Variants in MSRA observed in about 807,000 individuals in gnomAD.
MSRA encodes mitochondrial peptide methionine sulfoxide reductase.
MSRA carries 54 observed loss-of-function variants against 31.3 expected under a neutral mutation model. The ratio of observed to expected loss-of-function variants is 1.73; its 90% CI spans 1.39 to 2.17. MSRA has a LOEUF of 2.17. Among genes scored for constraint, MSRA ranks in the 30% most tolerant of loss-of-function variants. The pLI is 0.00. For missense variants in MSRA, 507 were observed against 300.9 expected (o/e 1.69, Z -5.07); for synonymous variants, 169 against 116.5 (o/e 1.45, Z -2.90).
chr8:10,103,780 G>A (rs1040661980), intron 1 of MSRA, among the ~76,000 whole-genome samples: 11 of 151,638 alleles, frequency 7.3e-5, no homozygotes, highest in African/African-American at 2.7e-4. Context: ...ATTAAATAAA[G>A]TAGAATGAAT....
intron 5 of MSRA, among the ~76,000 whole-genome samples, chr8:10,374,582 C>A (rs1340472736): frequency 6.6e-6 from 1 of 152,200 alleles, no homozygotes; most frequent in East Asian, 1.9e-4. Flanking sequence ...CAATGTAGGC[C>A]TTCCCTGTGT....
At chr8:10,390,579 A>G (rs2129179255) in intron 5 of MSRA, among the ~76,000 whole-genome samples, 1 of 152,282 alleles carries the variant, frequency 6.6e-6, no homozygotes, top group East Asian at 1.9e-4. Context: ...ACATCTGCCC[A>G]TTGTCACATG....
intron 5 of MSRA, among the ~76,000 whole-genome samples, chr8:10,342,384 C>T (rs1465831519): frequency 1.3e-5 from 2 of 152,148 alleles, no homozygotes; most frequent in African/African-American, 2.4e-5. Context: ...CATCACACTC[C>T]GTGTAGCTTC....
intron 2 of MSRA, among the ~76,000 whole-genome samples, chr8:10,228,671 T>G (rs1191895135): frequency 6.6e-6 from 1 of 152,144 alleles, no homozygotes; most frequent in Non-Finnish European, 1.5e-5. Flanking sequence ...TTCCAGGCCT[T>G]CCTTCATGGG....
At chr8:10,382,344 C>G (rs1473657198) in intron 5 of MSRA, among the ~76,000 whole-genome samples, 2 of 152,194 alleles carry the variant, frequency 1.3e-5, no homozygotes, top group African/African-American at 4.8e-5. Flanking sequence ...AGGAAAACCC[C>G]TAGCCATGAT....
intron 5 of MSRA, among the ~76,000 whole-genome samples, chr8:10,373,862 G>A (rs949758083): frequency 6.6e-6 from 1 of 152,234 alleles, no homozygotes; most frequent in African/African-American, 2.4e-5. Context: ...TGCAGGAGGT[G>A]AGAAGTGCGG....
chr8:10,142,506 G>A (rs1329221891), intron 1 of MSRA, among the ~76,000 whole-genome samples: 2 of 152,200 alleles, frequency 1.3e-5, no homozygotes. Context: ...AGGGAAATGT[G>A]GTTTTCAGAG....
intron 5 of MSRA, among the ~76,000 whole-genome samples, chr8:10,351,917 G>T (rs182037370): frequency 6.6e-6 from 1 of 152,202 alleles, no homozygotes. Flanking sequence ...GCTGTCCGAC[G>T]GCCACATTTA....
intron 1 of MSRA, among the ~76,000 whole-genome samples, chr8:10,091,885 G>A (rs1373493574): frequency 6.6e-6 from 1 of 152,102 alleles, no homozygotes; most frequent in Non-Finnish European, 1.5e-5. Context: ...GGGATTACAG[G>A]TTTGAGCCAC....
At chr8:10,161,002 T>C (rs1250759794) in intron 1 of MSRA, among the ~76,000 whole-genome samples, 1 of 151,902 alleles carries the variant, frequency 6.6e-6, no homozygotes, top group Non-Finnish European at 1.5e-5. Context: ...ACTAATAAAA[T>C]GTAAATATCA....
At chr8:10,254,216 G>A (rs375670414) in intron 3 of MSRA, among the ~76,000 whole-genome samples, 1 of 152,200 alleles carries the variant, frequency 6.6e-6, no homozygotes, top group South Asian at 2.1e-4. Flanking sequence ...GTAGCATCAC[G>A]TCTCTGACTG....
At chr8:10,247,516 T>C (rs1156624349) in intron 3 of MSRA, among the ~76,000 whole-genome samples, 3 of 152,214 alleles carry the variant, frequency 2.0e-5, no homozygotes, top group Non-Finnish European at 4.4e-5. Flanking sequence ...GGAAATTCTT[T>C]TGTCTTTCTT....
At chr8:10,285,009 C>A (rs868093284) in intron 3 of MSRA, among the ~76,000 whole-genome samples, 1 of 129,464 alleles carries the variant, frequency 7.7e-6, no homozygotes, top group South Asian at 2.6e-4. Flanking sequence ...TGACTTCCTC[C>A]CCAATCTTTT....
At chr8:10,352,198 A>G (rs1437726058) in intron 5 of MSRA, among the ~76,000 whole-genome samples, 1 of 152,166 alleles carries the variant, frequency 6.6e-6, no homozygotes, top group African/African-American at 2.4e-5. Flanking sequence ...GACGAGAAGG[A>G]GATGTTGTAG....
intron 5 of MSRA, among the ~76,000 whole-genome samples, chr8:10,361,197 A>C (rs1207450783): frequency 6.6e-6 from 1 of 152,172 alleles, no homozygotes; most frequent in Non-Finnish European, 1.5e-5. Flanking sequence ...GAGACACTTA[A>C]TGCCACCTTT....
intron 5 of MSRA, among the ~76,000 whole-genome samples, chr8:10,399,767 C>T (rs1369738380): frequency 2.0e-5 from 3 of 152,118 alleles, no homozygotes; most frequent in East Asian, 1.9e-4. Context: ...GTGCAATGGA[C>T]GGCAGTGGAG....
At chr8:10,090,923 C>A (rs6988046) in intron 1 of MSRA, among the ~76,000 whole-genome samples, 118,130 of 152,232 alleles carry the variant, frequency 0.78, 46,225 homozygotes, top group African/African-American at 0.86. Flanking sequence ...ACATTGTATC[C>A]GTTCATCAGC....
intron 2 of MSRA, among the ~76,000 whole-genome samples, chr8:10,238,827 C>G (rs376074740): frequency 6.6e-6 from 1 of 151,982 alleles, no homozygotes; most frequent in East Asian, 1.9e-4. Context: ...AGGATATTAT[C>G]TTTATCTTTA....
In MSRA at chr8:10,428,390, A is replaced by C. The variant is rs1016775582; in HGVS notation, c.*78A>C. ...ATTGGGCAATGCTTGTGTGATTCAC[A>C]ATCGTGGCATTTAAAGTGCACAAAG... On this transcript the variant is annotated 3_prime_UTR_variant, in exon 6 of 6. Transcript: ENST00000317173. 3 of 1,475,498 alleles carry C rather than the reference A, an allele frequency of 2.0e-6. No homozygotes were observed. The African/African-American group carries it at 4.2e-5, about 21-fold the overall frequency. The allele number at this position is 1,475,498 out of a possible 1,614,324, so 91.4% of individuals were successfully genotyped here. A position where few individuals can be genotyped will look rare whatever the true frequency, so the allele number is the denominator to read the frequency against.
Sources: allele counts gnomAD v4.1 joint callset (sites outside exome capture counted in the v4.1 genomes callset), GRCh38; gene constraint gnomAD v4.1.1; transcripts MANE v1.5; gene names NCBI Gene and HGNC (gene_info 2026-07-23, HGNC 2026-07-21).